The following COL14A1 variants were observed in gnomAD, a reference collection of about 807,000 sequenced individuals.
COL14A1 encodes the protein collagen alpha-1(XIV) chain.
A neutral mutation model predicts 230.3 loss-of-function variants in COL14A1; 136 were observed. That is an observed-to-expected ratio of 0.59 (90% CI 0.51 to 0.68). The LOEUF (loss-of-function observed/expected upper bound fraction) is 0.68, where lower values mean the gene tolerates loss of function less well. COL14A1 is among the 30% of genes least tolerant of loss of function. The pLI is 0.00. For missense variants in COL14A1, 1,976 were observed against 2,215.8 expected, an observed-to-expected ratio of 0.89 and a Z score of 2.17; for synonymous variants, 792 against 784.1, an observed-to-expected ratio of 1.01 and a Z score of -0.17.
intron 14 of COL14A1, among the ~76,000 whole-genome samples, chr8:120,223,351 A>G (rs1179995416): frequency 6.6e-6 from 1 of 152,178 alleles, no homozygotes; most frequent in East Asian, 1.9e-4. Context: ...GGTAGCATCA[A>G]GATTAGTCAC....
At chr8:120,282,723 T>C (rs1490909225) in intron 31 of COL14A1, among the ~76,000 whole-genome samples, 1 of 152,054 alleles carries the variant, frequency 6.6e-6, no homozygotes, top group Non-Finnish European at 1.5e-5. Flanking sequence ...AAAAAGTAAA[T>C]GAGTAAAAGT....
intron 44 of COL14A1, among the ~76,000 whole-genome samples, chr8:120,343,357 C>T (rs1255421431): frequency 1.3e-5 from 2 of 152,162 alleles, no homozygotes; most frequent in Admixed American, 1.3e-4. Context: ...GCTGACATTA[C>T]CCAGGTGGGT....
intron 20 of COL14A1, among the ~76,000 whole-genome samples, chr8:120,245,779 C>G (rs1818744226): frequency 6.6e-6 from 1 of 152,120 alleles, no homozygotes; most frequent in African/African-American, 2.4e-5. Context: ...TCTCTCTCTC[C>G]CTTAGTCTCA....
At position 120,320,777 on chromosome 8, in the gene COL14A1, C is replaced by T. The variant is rs142220970; in HGVS notation, c.4659+4780C>T. 1.7e-3 allele frequency among the ~76,000 whole-genome samples: 263 copies of T among 152,284 alleles called. 1 individual carries two copies. The highest frequency in any genetic ancestry group is 6.1e-3 in the African/African-American group (254 of 41,540). ...AAGAAAGCCTTTGCACAATCAGCCA[C>T]AGTGATGATGGTATATGCAGTTGAG... On this transcript the variant is annotated intron_variant, in intron 40 of 47. Transcript: ENST00000297848.
chr8:120,300,585 T>C, intron 35 of COL14A1, 147 bp from the exon 36 acceptor site: 1 of 655,222 alleles, frequency 1.5e-6, no homozygotes, highest in Non-Finnish European at 2.7e-6. Flanking sequence ...AGAAAAGATT[T>C]TGTAATCAGG....
chr8:120,166,327 ATGAG>A (rs772142560), intron 4 of COL14A1, among the ~76,000 whole-genome samples: 2 of 152,198 alleles, frequency 1.3e-5, no homozygotes, highest in Non-Finnish European at 2.9e-5. Context: ...TGTTTCTAGT[ATGAG>A]TAAGTCCAAC....
At chr8:120,248,917 CTTTTTTTTTT>C (rs71571673) in intron 21 of COL14A1, among the ~76,000 whole-genome samples, 24 of 84,222 alleles carry the variant, frequency 2.8e-4, no homozygotes, top group African/African-American at 9.5e-4. Flanking sequence ...TTCAATCTTT[CTTTTTTTTTT>C]TTTTTTTTTT....
chr8:120,125,532 G>A (rs1361801274), intron 1 of COL14A1, among the ~76,000 whole-genome samples, 192 bp downstream of exon 1: 2 of 152,168 alleles, frequency 1.3e-5, no homozygotes. Context: ...CTTTTCGCGG[G>A]GTTCACGGTG....
At chr8:120,202,851 T>C (rs1178854274) in intron 8 of COL14A1, among the ~76,000 whole-genome samples, 2 of 151,790 alleles carry the variant, frequency 1.3e-5, no homozygotes, top group African/African-American at 2.4e-5. Flanking sequence ...GTAGATACTG[T>C]GGAAGGACCA....
chr8:120,175,661 G>A (rs1816258809), intron 5 of COL14A1, among the ~76,000 whole-genome samples: 1 of 152,096 alleles, frequency 6.6e-6, no homozygotes, highest in African/African-American at 2.4e-5. Context: ...GTCTATGGCT[G>A]CCGTCCCACA....
chr8:120,254,295 C>A (rs997821108), intron 22 of COL14A1, among the ~76,000 whole-genome samples: 19 of 152,120 alleles, frequency 1.2e-4, no homozygotes, highest in African/African-American at 4.6e-4. Context: ...ATTGCCTCCC[C>A]AAACAACAAT....
intron 19 of COL14A1, among the ~76,000 whole-genome samples, chr8:120,232,689 C>A (rs1177274859): frequency 6.6e-6 from 1 of 152,134 alleles, no homozygotes; most frequent in African/African-American, 2.4e-5. Context: ...TGGGCTGGTT[C>A]CAAGTCTTTG....
intron 2 of COL14A1, among the ~76,000 whole-genome samples, chr8:120,154,087 T>C (rs1815383323): frequency 1.3e-5 from 2 of 152,212 alleles, no homozygotes; most frequent in African/African-American, 4.8e-5. Context: ...GAACACAAGA[T>C]GTCCATTTCA....
intron 4 of COL14A1, among the ~76,000 whole-genome samples, chr8:120,163,343 A>G (rs1815754208): frequency 6.6e-6 from 1 of 152,218 alleles, no homozygotes; most frequent in Non-Finnish European, 1.5e-5. Context: ...CTCAAATAGT[A>G]AATTGGGCAT....
intron 11 of COL14A1, 93 bp from the exon 12 acceptor site, chr8:120,209,663 C>G: frequency 2.3e-6 from 3 of 1,315,956 alleles, no homozygotes; most frequent in Non-Finnish European, 3.1e-6. Flanking sequence ...CTCCCTTCCC[C>G]TCAAATATGG....
intron 13 of COL14A1, among the ~76,000 whole-genome samples, chr8:120,212,798 T>A (rs749352137): frequency 3.3e-5 from 5 of 152,176 alleles, no homozygotes; most frequent in Non-Finnish European, 7.4e-5. Context: ...TCCAGATAAT[T>A]CCACCTATGT....
intron 1 of COL14A1, 143 bp downstream of exon 1, chr8:120,125,483 G>A (rs1245149028): frequency 4.6e-5 from 7 of 152,582 alleles, no homozygotes; most frequent in Non-Finnish European, 7.3e-5. Context: ...AATGGACTGG[G>A]GACCTTTGGG....
chr8:120,155,041 T>C (rs528095160), intron 2 of COL14A1, among the ~76,000 whole-genome samples: 4 of 152,318 alleles, frequency 2.6e-5, no homozygotes, highest in African/African-American at 9.6e-5. Flanking sequence ...TTCTTTTCAA[T>C]ATTTTTTACC....
intron 45 of COL14A1, among the ~76,000 whole-genome samples, chr8:120,361,377 C>T (rs1318749297): frequency 6.6e-6 from 1 of 152,176 alleles, no homozygotes; most frequent in African/African-American, 2.4e-5. Context: ...CATTCCTGTC[C>T]ATCTTAGCAT....
Sources: allele counts gnomAD v4.1 joint callset (sites outside exome capture counted in the v4.1 genomes callset), GRCh38; gene constraint gnomAD v4.1.1; transcripts MANE v1.5; gene names NCBI Gene and HGNC (gene_info 2026-07-23, HGNC 2026-07-21).